ZC3HAV1: variants seen among roughly 807,000 people sequenced by gnomAD.
The protein encoded by ZC3HAV1 is zinc finger CCCH-type containing, antiviral 1.
ZC3HAV1 carries 41 observed loss-of-function variants against 86.6 expected under a neutral mutation model. The ratio of observed to expected loss-of-function variants is 0.47; its 90% CI spans 0.37 to 0.61. The LOEUF (loss-of-function observed/expected upper bound fraction) is 0.61, where lower values mean the gene tolerates loss of function less well. ZC3HAV1 is among the 20% of genes least tolerant of loss of function. ZC3HAV1 has a pLI of 0.00. For missense variants in ZC3HAV1, 964 were observed against 1,141.1 expected, an observed-to-expected ratio of 0.84 and a Z score of 2.24; for synonymous variants, 421 against 432.1, an observed-to-expected ratio of 0.97 and a Z score of 0.32.
chr7:139,109,635 C>A lies in ZC3HAV1; in HGVS notation c.-304G>T. The A allele has an allele frequency of 3.1e-6, 1 of 319,802 alleles. No individual in the cohort carries two copies. Among genetic ancestry groups the A allele is most frequent in the Non-Finnish European group, 5.8e-6 (1 of 172,620 alleles). 19.8% of individuals were successfully genotyped at this position (319,802 alleles called of 1,614,324 possible). A position where few individuals can be genotyped will look rare whatever the true frequency, so the allele number is the denominator to read the frequency against. On this transcript the variant is annotated 5_prime_UTR_variant, in exon 1 of 13. Transcript: ENST00000242351. The stretch of plus-strand genomic sequence containing the variant: ...ATCTGCTGGTGACCGCCTGGGGTGG[C>A]CCCCTCTCGGTTCTAGGCTCGGCGA...
At position 139,078,547 on chromosome 7, in the gene ZC3HAV1, C is replaced by T; in HGVS notation, c.1573+5G>A. The T allele has an allele frequency of 1.3e-6, 2 of 1,590,150 alleles. No homozygotes were observed. The highest frequency in any genetic ancestry group is 1.7e-6 in the Non-Finnish European group (2 of 1,171,696). On this transcript the variant is annotated splice_donor_5th_base_variant and intron_variant, in intron 5 of 12. Coordinates refer to ENST00000242351, the MANE Select transcript of ZC3HAV1 (RefSeq NM_020119.4). ...AGCTTACAGAAAAGTCCTTAGGTTA[C>T]TCACCATTAAGCGGACAACCCTTAC... is the stretch of plus-strand genomic sequence containing the variant.
intron 3 of ZC3HAV1, among the ~76,000 whole-genome samples, chr7:139,083,254 G>GA (rs1003479976): frequency 7.4e-6 from 1 of 135,214 alleles, no homozygotes; most frequent in African/African-American, 2.7e-5. Flanking sequence ...CTGGGGGGGG[G>GA]GGCAATAGTG....
intron 2 of ZC3HAV1, among the ~76,000 whole-genome samples, chr7:139,085,406 T>C (rs942059898): frequency 6.6e-6 from 1 of 152,220 alleles, no homozygotes; most frequent in Non-Finnish European, 1.5e-5. Flanking sequence ...GCAGTCAGGT[T>C]TGCCTGATCT....
Position 139,046,607 on chromosome 7 carries a change from G to T in ZC3HAV1, c.*987C>A, listed in dbSNP as rs908546909. 2.6e-5 allele frequency: 4 copies of T among 152,218 alleles called. No homozygotes were observed. The highest frequency in any genetic ancestry group is 9.7e-5 in the African/African-American group (4 of 41,448). The allele number at this position is 152,218 out of a possible 1,614,324, so 9.4% of individuals were successfully genotyped here. ...CCAGCTCTTATTACCGCATTCCAGA[G>T]AGAGTCAACCTGGATGGAGTTTGTC... is the stretch of plus-strand genomic sequence containing the variant. On this transcript the variant is annotated 3_prime_UTR_variant, in exon 13 of 13. Transcript: ENST00000242351.
chr7:139,076,786 G>A (rs1228707217), intron 5 of ZC3HAV1, among the ~76,000 whole-genome samples: 1 of 152,018 alleles, frequency 6.6e-6, no homozygotes, highest in Non-Finnish European at 1.5e-5. Flanking sequence ...CAGCTTCTCG[G>A]GAGACTGAGG....
chr7:139,099,731 A>T (rs1360542266), intron 1 of ZC3HAV1, among the ~76,000 whole-genome samples: 2 of 152,220 alleles, frequency 1.3e-5, no homozygotes, highest in Non-Finnish European at 1.5e-5. Flanking sequence ...GTTCAAGAGC[A>T]GCCTGGCCAA....
chr7:139,053,613 G>C, intron 11 of ZC3HAV1, 32 bp from the exon 12 acceptor site: 1 of 1,546,358 alleles, frequency 6.5e-7, no homozygotes, highest in Non-Finnish European at 8.7e-7. Context: ...TTAACACGGA[G>C]ACATCCCCTT....
chr7:139,076,618 G>A (rs1816959855), intron 5 of ZC3HAV1, among the ~76,000 whole-genome samples: 1 of 152,126 alleles, frequency 6.6e-6, no homozygotes, highest in Non-Finnish European at 1.5e-5. Context: ...CAGGCAGAGT[G>A]TGGTGGCTCA....
intron 1 of ZC3HAV1, among the ~76,000 whole-genome samples, chr7:139,097,428 A>ATATTT: frequency 8.3e-5 from 4 of 48,158 alleles, no homozygotes; most frequent in African/African-American, 3.4e-4. Flanking sequence ...ATATATATAT[A>ATATTT]TTTTTTTTTT....
At chr7:139,068,022 TC>T (rs1379719586) in intron 7 of ZC3HAV1, among the ~76,000 whole-genome samples, 2 of 142,278 alleles carry the variant, frequency 1.4e-5, no homozygotes, top group Non-Finnish European at 3.0e-5. Context: ...CCTCTTTCTT[TC>T]TTTATTATTA....
Position 139,055,089 on chromosome 7 carries a change from C to T in ZC3HAV1, c.2187+116G>A, listed in dbSNP as rs570496019. The T allele has an allele frequency of 1.5e-4, 139 of 915,268 alleles. No homozygotes were observed. The African/African-American group carries it at 1.9e-3, about 13-fold the overall frequency. 56.7% of individuals were successfully genotyped at this position (915,268 alleles called of 1,614,324 possible). On this transcript the variant is annotated intron_variant, in intron 10 of 12. Transcript: ENST00000242351. ...ACAGGGCTGAGCCACTGCACCCAGCCGATCTAAGAGTTTTGCGGGAGCAAT... is the reference window on the plus strand; with the variant it reads ...ACAGGGCTGAGCCACTGCACCCAGCTGATCTAAGAGTTTTGCGGGAGCAAT...
chr7:139,054,148 A>T (rs1334605682), intron 10 of ZC3HAV1, 53 bp from the exon 11 acceptor site: 5 of 1,488,650 alleles, frequency 3.4e-6, no homozygotes, highest in Non-Finnish European at 4.5e-6. Context: ...TTAAAGCATG[A>T]TACATCCACA....
At chr7:139,060,540 C>T (rs1816412530) in intron 9 of ZC3HAV1, 9 of 997,178 alleles carry the variant, frequency 9.0e-6, no homozygotes, top group Non-Finnish European at 1.1e-5. Flanking sequence ...CAAAAGACAC[C>T]CAAAAGAATC....
At chr7:139,089,422 G>A (rs1363695847) in intron 2 of ZC3HAV1, among the ~76,000 whole-genome samples, 1 of 152,136 alleles carries the variant, frequency 6.6e-6, no homozygotes, top group Non-Finnish European at 1.5e-5. Flanking sequence ...AGTGGAAGAG[G>A]TATTCCAGAC....
chr7:139,086,837 T>C (rs1419229890), intron 2 of ZC3HAV1, among the ~76,000 whole-genome samples: 1 of 152,208 alleles, frequency 6.6e-6, no homozygotes, highest in Admixed American at 6.5e-5. Flanking sequence ...CTTGCCACCA[T>C]GTAAGATGTT....
chr7:139,070,650 C>G, intron 7 of ZC3HAV1, among the ~76,000 whole-genome samples: 1 of 119,586 alleles, frequency 8.4e-6, no homozygotes, highest in African/African-American at 3.5e-5. Flanking sequence ...GGCGACAGAG[C>G]GAGACTCCGT....
At chr7:139,073,449 T>C (rs79693259) in intron 7 of ZC3HAV1, among the ~76,000 whole-genome samples, 2,508 of 152,136 alleles carry the variant, frequency 0.016, 68 homozygotes, top group African/African-American at 0.057. Context: ...CGGGTAACCA[T>C]GTAGGCTTCA....
At chr7:139,073,548 T>G (rs961680224) in intron 7 of ZC3HAV1, among the ~76,000 whole-genome samples, 14 of 152,236 alleles carry the variant, frequency 9.2e-5, no homozygotes, top group African/African-American at 3.1e-4. Context: ...TGGAATGCAG[T>G]GGCGAAATCT....
At chr7:139,063,731 A>C (rs1816517301) in intron 8 of ZC3HAV1, among the ~76,000 whole-genome samples, 1 of 137,366 alleles carries the variant, frequency 7.3e-6, no homozygotes, top group Non-Finnish European at 1.7e-5. Context: ...CTCAAAAAAA[A>C]AAAAAAAAAA....
Sources: gnomAD v4.1 joint callset for allele counts (sites outside exome capture counted in the v4.1 genomes callset) on GRCh38, gnomAD v4.1.1 for gene constraint, MANE v1.5 for transcripts, NCBI Gene and HGNC (gene_info 2026-07-23, HGNC 2026-07-21) for gene names.